Variants in NOC3L observed in about 807,000 individuals in gnomAD.
NOC3L encodes nucleolar complex protein 3 homolog.
Under a neutral mutation model 102.5 loss-of-function variants are expected in NOC3L, and 85 were observed. That is an observed-to-expected ratio of 0.83 (90% CI 0.70 to 0.99). The LOEUF is 0.99. Among genes scored for constraint, NOC3L ranks in the 50% least tolerant of loss-of-function variants. NOC3L has a pLI of 0.00. For missense variants in NOC3L, 878 were observed against 914.9 expected, an observed-to-expected ratio of 0.96 and a Z score of 0.52; for synonymous variants, 303 against 309.4, an observed-to-expected ratio of 0.98 and a Z score of 0.22.
At chr10:94,359,446 G>A (rs746040556) in intron 2 of NOC3L, among the ~76,000 whole-genome samples, 12 of 149,358 alleles carry the variant, frequency 8.0e-5, no homozygotes, top group Non-Finnish European at 1.2e-4. Context: ...GTGAAACTCC[G>A]TCTCAAAAAA....
At chr10:94,340,370 A>G in intron 15 of NOC3L, 23 bp from the exon 16 acceptor site, 13 of 1,611,414 alleles carry the variant, frequency 8.1e-6, no homozygotes, top group Non-Finnish European at 9.3e-6. Context: ...AACAAACACC[A>G]ATTAGGTATG....
At chr10:94,328,893 A>G (rs569181029), downstream of NOC3L, 1 of 152,348 alleles carries the variant, frequency 6.6e-6, no homozygotes, top group South Asian at 2.1e-4. Flanking sequence ...AGAATGACGT[A>G]TAATTTAATA....
chr10:94,343,366 G>C (rs1354438272), intron 13 of NOC3L, among the ~76,000 whole-genome samples: 4 of 152,100 alleles, frequency 2.6e-5, no homozygotes, highest in African/African-American at 9.7e-5. Context: ...AATATGGTGA[G>C]AGCTTGTCTC....
At chr10:94,338,381 C>T (rs1026111638) in intron 18 of NOC3L, among the ~76,000 whole-genome samples, 1 of 151,984 alleles carries the variant, frequency 6.6e-6, no homozygotes, top group African/African-American at 2.4e-5. Context: ...CAACTGCACC[C>T]TACAGAACTG....
At chr10:94,318,262 A>C in the NOC3L span, among the ~76,000 whole-genome samples, 30 of 152,330 alleles carry the variant, frequency 2.0e-4, no homozygotes, top group African/African-American at 7.2e-4. Flanking sequence ...TTATGATAAA[A>C]TATCAGAGGG....
At chr10:94,319,864 C>CTTTTTTTTTTTTTTTT in the NOC3L span, among the ~76,000 whole-genome samples, 227 of 92,928 alleles carry the variant, frequency 2.4e-3, 20 homozygotes, top group Middle Eastern at 7.7e-3. Context: ...CAAAGGTGCT[C>CTTTTTTTTTTTTTTTT]TTTTTTTTTT....
chr10:94,334,772 AAAT>A, intron 19 of NOC3L, 54 bp from the exon 20 acceptor site: 1 of 1,199,330 alleles, frequency 8.3e-7, no homozygotes, highest in Non-Finnish European at 1.2e-6. Context: ...TGTAACTCAA[AAAT>A]AATTAGATTA....
the NOC3L span, chr10:94,324,814 G>C: frequency 7.2e-7 from 1 of 1,387,624 alleles, no homozygotes. Context: ...AGAGGAAAGC[G>C]CTCTTCTGAA....
At chr10:94,355,587 C>A (rs1298575690) in intron 5 of NOC3L, among the ~76,000 whole-genome samples, 1 of 151,760 alleles carries the variant, frequency 6.6e-6, no homozygotes, top group East Asian at 1.9e-4. Flanking sequence ...CGGGGTTTCA[C>A]CATGTGGCCC....
At chr10:94,347,608 G>C (rs985568444) in intron 10 of NOC3L, among the ~76,000 whole-genome samples, 1 of 151,982 alleles carries the variant, frequency 6.6e-6, no homozygotes, top group Non-Finnish European at 1.5e-5. Flanking sequence ...AAAATAAAAA[G>C]GAATCTGATG....
Position 94,341,689 on chromosome 10 carries a change from G to A in NOC3L, c.1628C>T (p.Thr543Ile). 1.3e-6 allele frequency: 2 copies of A among 1,540,712 alleles called. No individual in the cohort carries two copies. The highest frequency in any genetic ancestry group is 4.7e-5 in the East Asian group (2 of 42,924). The change falls in exon 14 of 21, where the codon ACT becomes ATT. Residue 543 changes from threonine (T) to isoleucine (I), a missense_variant. Transcript: ENST00000371361. ...ATTACTTACACCAGACTCAATGAGA[G>A]TATGAAGAACTACTAACAGATCATC... ...FFDDLLVVLH[T>I]LIESGDLSYQ...
At position 94,340,275 on chromosome 10, in the gene NOC3L, C is replaced by A; in HGVS notation, c.1780+1G>T. The A allele has an allele frequency of 6.3e-7, 1 of 1,596,276 alleles. No homozygotes were observed. Among genetic ancestry groups the A allele is most frequent in the Non-Finnish European group, 8.6e-7 (1 of 1,165,474 alleles). On this transcript the variant is annotated splice_donor_variant, in intron 16 of 20. Coordinates refer to ENST00000371361, the MANE Select transcript of NOC3L (RefSeq NM_022451.11). LOFTEE classifies it high-confidence loss of function. ...AAGAAACATTATCTAAACATACATA[C>A]CTGCATGTAATTTGAACAGTGTTTT...
the NOC3L span, chr10:94,325,143 A>G: frequency 5.2e-6 from 7 of 1,357,328 alleles, no homozygotes; most frequent in Non-Finnish European, 7.4e-6. Flanking sequence ...ACAGGGCTTA[A>G]CTTAAACTAC....
the NOC3L span, among the ~76,000 whole-genome samples, chr10:94,320,823 T>A: frequency 1.3e-5 from 2 of 152,308 alleles, no homozygotes; most frequent in African/African-American, 4.8e-5. Context: ...TTCAAGGGTG[T>A]TGCTTTACAT....
chr10:94,319,663 C>A, the NOC3L span, among the ~76,000 whole-genome samples: 1 of 152,088 alleles, frequency 6.6e-6, no homozygotes, highest in Non-Finnish European at 1.5e-5. Context: ...TTTGTAAAAT[C>A]TATATACAAA....
intron 2 of NOC3L, among the ~76,000 whole-genome samples, chr10:94,360,184 T>C (rs1487517805): frequency 6.6e-6 from 1 of 152,030 alleles, no homozygotes; most frequent in Non-Finnish European, 1.5e-5. Context: ...GATGTGGTGG[T>C]GTGCGCCTGT....
the NOC3L span, among the ~76,000 whole-genome samples, chr10:94,316,199 C>A: frequency 6.6e-6 from 1 of 152,172 alleles, no homozygotes. Context: ...TTAGTAAATA[C>A]TAAACTAGGT....
rs774636660 is a variant in NOC3L, at chr10:94,344,897, G to A, written c.1426C>T (p.Arg476Ter). 12 of 1,610,094 alleles carry A rather than the reference G, an allele frequency of 7.5e-6. No homozygotes were observed. Among genetic ancestry groups the A allele is most frequent in the Non-Finnish European group, 1.0e-5 (12 of 1,179,240 alleles). ...KAEEKLEREL[R>*]EAEASESTEK... ...GTACTCTCTGAAGCTTCTGCCTCTC[G>A]AAGCTCTCGCTCTAGTTTCTCTTCT... The change falls in exon 12 of 21, where the codon CGA becomes TGA. Residue 476 changes from arginine (R) to a stop codon, truncating the protein, a stop_gained. Transcript: ENST00000371361. LOFTEE classifies it high-confidence loss of function.
chr10:94,332,512 T>C (rs920549594), downstream of NOC3L: 2 of 95,992 alleles, frequency 2.1e-5, no homozygotes, highest in African/African-American at 9.2e-5. Context: ...TGCCTGTGTG[T>C]GTGTGTGTGT....
Sources: allele counts gnomAD v4.1 joint callset (sites outside exome capture counted in the v4.1 genomes callset), GRCh38; gene constraint gnomAD v4.1.1; transcripts MANE v1.5; gene names NCBI Gene and HGNC (gene_info 2026-07-23, HGNC 2026-07-21).